The following MYO5B variants were observed in gnomAD, a reference collection of about 807,000 sequenced individuals.
MYO5B encodes unconventional myosin-Vb.
In MYO5B, 143 loss-of-function variants were observed where a neutral mutation model predicts 229.3. The observed-to-expected ratio is 0.62, with a 90% CI of 0.54 to 0.72. The LOEUF is 0.72. MYO5B is among the 30% of genes least tolerant of loss of function. MYO5B has a pLI of 0.00. For missense variants in MYO5B, 2,321 were observed against 2,331.0 expected, an observed-to-expected ratio of 1.00 and a Z score of 0.09; for synonymous variants, 918 against 885.2, an observed-to-expected ratio of 1.04 and a Z score of -0.66.
intron 28 of MYO5B, 111 bp downstream of exon 28, chr18:49,864,030 C>G: frequency 6.6e-7 from 1 of 1,520,780 alleles, no homozygotes; most frequent in Non-Finnish European, 8.9e-7. Context: ...CAGCGAGAGA[C>G]TCTGCTCTTT....
chr18:49,923,697 T>C (rs1266384537), intron 17 of MYO5B, among the ~76,000 whole-genome samples: 1 of 152,178 alleles, frequency 6.6e-6, no homozygotes, highest in Non-Finnish European at 1.5e-5. Context: ...CTCCCTAACG[T>C]TCTCCAAGGA....
chr18:49,956,029 A>C (rs373975025), intron 12 of MYO5B, among the ~76,000 whole-genome samples: 67 of 152,362 alleles, frequency 4.4e-4, no homozygotes, highest in African/African-American at 1.6e-3. Context: ...AAGACTTCGT[A>C]ATCCTGCATA....
In MYO5B at chr18:49,870,861, C is replaced by T. The variant is rs187693457; in HGVS notation, c.3603+1306G>A. ...CTGCTGGTGGGAATGTAAAATGGTGCAGCTGCTATGGAAAACAGTATAGCA... is the reference window on the plus strand; with the variant it reads ...CTGCTGGTGGGAATGTAAAATGGTGTAGCTGCTATGGAAAACAGTATAGCA... On this transcript the variant is annotated intron_variant, in intron 27 of 39. Transcript: ENST00000285039. Among the ~76,000 whole-genome samples the T allele has an allele frequency of 1.7e-4, 26 of 152,300 alleles. No homozygotes were observed. The East Asian group carries it at 2.9e-3, about 17-fold the overall frequency.
intron 21 of MYO5B, among the ~76,000 whole-genome samples, chr18:49,901,466 A>T (rs1156271396): frequency 6.6e-6 from 1 of 152,216 alleles, no homozygotes; most frequent in Non-Finnish European, 1.5e-5. Context: ...ATTGGCTGAC[A>T]TGGGAAGGTG....
chr18:50,141,595 T>A (rs953255512), intron 1 of MYO5B, among the ~76,000 whole-genome samples: 2 of 152,210 alleles, frequency 1.3e-5, no homozygotes, highest in African/African-American at 4.8e-5. Context: ...ATCTTTCTGA[T>A]ATGGCCATAC....
At chr18:49,990,023 C>CT (rs2025912128) in intron 7 of MYO5B, among the ~76,000 whole-genome samples, 1 of 152,208 alleles carries the variant, frequency 6.6e-6, no homozygotes, top group Non-Finnish European at 1.5e-5. Context: ...ATCCTCACCC[C>CT]TTTCTCTTTG....
intron 12 of MYO5B, among the ~76,000 whole-genome samples, chr18:49,957,246 CTG>C: frequency 2.7e-5 from 2 of 73,158 alleles, no homozygotes; most frequent in South Asian, 8.6e-4. Context: ...TAAACAGAAA[CTG>C]TACACTCTCT....
rs373248607 is a variant in MYO5B, at chr18:49,912,115, C to A, written c.2149G>T (p.Ala717Ser). 1 of 1,614,046 alleles carries A rather than the reference C, an allele frequency of 6.2e-7. No homozygotes were observed. The highest frequency in any genetic ancestry group is 8.5e-7 in the Non-Finnish European group (1 of 1,180,002). ...CAGATGGCCTTTTTGTCTGTGTTGG[C>A]GAGCTCTCTCTTCTTGACCAGCACC... is the stretch of plus-strand genomic sequence containing the variant. The part of the protein sequence containing the change: ...YRVLVKKREL[A>S]NTDKKAICRS... Residue 717 changes from alanine (A) to serine (S), a missense_variant, in exon 18 of 40, where the codon GCC becomes TCC. Around this residue, in one of 2 missense-constraint regions of MYO5B, gnomAD observed 2,113 missense variants for 2,044.7 expected, o/e 1.03. Transcript: ENST00000285039.
In MYO5B at chr18:49,980,424, G is replaced by A. The variant is rs571707278; in HGVS notation, c.1056+20C>T. On this transcript the variant is annotated intron_variant, in intron 9 of 39. Transcript: ENST00000285039. ...GGTAAATTGTGTTCATTTTATCTCC[G>A]GTGTTGGTGTGCAACTTACTGATAT... The A allele has an allele frequency of 4.2e-5, 64 of 1,514,040 alleles. No homozygotes were observed. The highest frequency in any genetic ancestry group is 1.4e-4 in the East Asian group (6 of 44,342). The allele number at this position is 1,514,040 out of a possible 1,614,324, so 93.8% of individuals were successfully genotyped here.
chr18:50,112,587 GC>G (rs1176229538), intron 1 of MYO5B, among the ~76,000 whole-genome samples: 1 of 152,168 alleles, frequency 6.6e-6, no homozygotes, highest in Non-Finnish European at 1.5e-5. Context: ...GACTGGTTAT[GC>G]CCCACGAAAA....
rs116528874 is a variant in MYO5B, at chr18:49,971,138, C to T, written c.1322+3212G>A. ...AATAGAAAACTCAAAAACTAAACAA[C>T]GCTTGGGTTTTCTTATGCCACAGAG... On this transcript the variant is annotated intron_variant, in intron 10 of 39. Transcript: ENST00000285039. Among the ~76,000 whole-genome samples the T allele has an allele frequency of 4.5e-3, 687 of 152,230 alleles. 10 individuals carry two copies. Among genetic ancestry groups the T allele is most frequent in the African/African-American group, 0.015 (628 of 41,534 alleles).
intron 1 of MYO5B, among the ~76,000 whole-genome samples, chr18:50,174,315 C>A (rs1032685942): frequency 6.6e-6 from 1 of 152,118 alleles, no homozygotes; most frequent in Non-Finnish European, 1.5e-5. Flanking sequence ...ATACACACAG[C>A]GAGTATCACA....
rs748603112 is a variant in MYO5B at position 49,835,473 on chromosome 18, A to G, written c.5314-49T>C. The stretch of plus-strand genomic sequence containing the variant: ...TAGCACAGAGCTAAATGAACATGAG[A>G]CAACTTTTGAACTTTAAAGAATATG... On this transcript the variant is annotated intron_variant, in intron 38 of 39. Transcript: ENST00000285039. 4 of 1,216,214 alleles carry G rather than the reference A, an allele frequency of 3.3e-6. No homozygotes were observed. The Admixed American group carries it at 5.0e-5, about 15-fold the overall frequency. The allele number at this position is 1,216,214 out of a possible 1,614,324, so 75.3% of individuals were successfully genotyped here.
intron 1 of MYO5B, among the ~76,000 whole-genome samples, chr18:50,112,061 A>G (rs1474142039): frequency 6.6e-6 from 1 of 152,226 alleles, no homozygotes; most frequent in African/African-American, 2.4e-5. Flanking sequence ...TAAATATGGT[A>G]AGGGGCTTGG....
At chr18:49,870,537 A>C (rs867489383) in intron 27 of MYO5B, among the ~76,000 whole-genome samples, 1 of 152,216 alleles carries the variant, frequency 6.6e-6, no homozygotes. Context: ...GTATCTGATA[A>C]GGGATTAATA....
chr18:49,866,138 G>A (rs920656806), intron 27 of MYO5B, among the ~76,000 whole-genome samples: 3 of 152,020 alleles, frequency 2.0e-5, no homozygotes, highest in African/African-American at 7.2e-5. Flanking sequence ...GCGTGATCTC[G>A]GCTCACTGCA....
At chr18:49,903,271 G>GT (rs946635428) in intron 20 of MYO5B, among the ~76,000 whole-genome samples, 125 of 147,010 alleles carry the variant, frequency 8.5e-4, no homozygotes, top group Admixed American at 1.6e-3. Context: ...GTAATTCACT[G>GT]TTTTTTTTTT....
chr18:50,115,454 C>T (rs998834924), intron 1 of MYO5B, among the ~76,000 whole-genome samples: 14 of 151,970 alleles, frequency 9.2e-5, no homozygotes, highest in Admixed American at 5.9e-4. Context: ...AAATTATGTA[C>T]GGAGCACCTA....
At chr18:50,112,570 C>T (rs756857423) in intron 1 of MYO5B, among the ~76,000 whole-genome samples, 1 of 152,182 alleles carries the variant, frequency 6.6e-6, no homozygotes, top group Non-Finnish European at 1.5e-5. Flanking sequence ...TTGTGCATGA[C>T]ACTTGAGACT....
Sources: gnomAD v4.1 joint callset for allele counts (sites outside exome capture counted in the v4.1 genomes callset) on GRCh38, gnomAD v4.1.1 for gene constraint, gnomAD v4.1.1 regional missense constraint, MANE v1.5 for transcripts, NCBI Gene and HGNC (gene_info 2026-07-23, HGNC 2026-07-21) for gene names.